Variants in AAAS observed in about 807,000 individuals in gnomAD.
The protein encoded by AAAS is aladin.
A neutral mutation model predicts 75.6 loss-of-function variants in AAAS; 60 were observed. The observed-to-expected ratio is 0.79, with a 90% CI of 0.64 to 0.98. The LOEUF is 0.98. Among genes scored for constraint, AAAS ranks in the 50% least tolerant of loss-of-function variants. The probability of loss-of-function intolerance (pLI) is 0.00; values close to 1 mark genes in which losing one functional copy is unlikely to be tolerated. For synonymous variants in AAAS, 271 were observed against 265.0 expected, an observed-to-expected ratio of 1.02 and a Z score of -0.22; for missense variants, 658 against 686.9, an observed-to-expected ratio of 0.96 and a Z score of 0.47.
At chr12:53,320,941 C>A (rs1944544234) in intron 1 of AAAS, 1 of 559,410 alleles carries the variant, frequency 1.8e-6, no homozygotes, top group Non-Finnish European at 3.2e-6. Flanking sequence ...ACACCTGACT[C>A]AGCCTCTTTC....
At position 53,315,336 on chromosome 12, in the gene AAAS, G is replaced by C. The variant is rs1433905790; in HGVS notation, c.398C>G (p.Ser133Cys). Residue 133 changes from serine (S) to cysteine (C), a missense_variant and splice_region_variant, in exon 4 of 16, where the codon TCT (serine) becomes TGT (cysteine). By Grantham distance (112) the Ser-to-Cys change is moderately radical (BLOSUM62 -1). Transcript: ENST00000209873. ...SLHGSLFPHLSLRSEDLIAEF... is the reference protein window; with the variant it reads ...SLHGSLFPHLCLRSEDLIAEF... The stretch of plus-strand genomic sequence containing the variant: ...GGCTGGGGAGGAAGCCAAACTTACA[G>C]ACAGATGGGGGAACAGGGACCCATG... 6.2e-7 allele frequency: 1 copy of C among 1,614,040 alleles called. No individual in the cohort carries two copies. Among genetic ancestry groups the C allele is most frequent in the South Asian group, 1.1e-5 (1 of 91,074 alleles).
intron 2 of AAAS, 141 bp from the exon 3 acceptor site, chr12:53,315,923 G>A (rs576722016): frequency 1.1e-5 from 10 of 918,734 alleles, no homozygotes; most frequent in Admixed American, 8.3e-5. Flanking sequence ...GGCACTCTAC[G>A]GGCTGTCCTT....
chr12:53,307,669 G>A lies in AAAS; in HGVS notation c.1461C>T (p.Val487=). The stretch of plus-strand genomic sequence containing the variant: ...GGCTAAAACGTGGAAACTGGGCATT[G>A]ACAAAGTACAGCGGGATGTGGGCAA... ...GRIAHIPLYF[V]NAQFPRFSPV... Residue 487 remains valine, a synonymous_variant, in exon 16 of 16, where the codon GTC becomes GTT. Transcript: ENST00000209873. 6.2e-7 allele frequency: 1 copy of A among 1,614,210 alleles called. No homozygotes were observed. Among genetic ancestry groups the A allele is most frequent in the Non-Finnish European group, 8.5e-7 (1 of 1,180,048 alleles).
rs188763032 is a variant in AAAS at position 53,316,387 on chromosome 12, G to A, written c.252-605C>T. Among the ~76,000 whole-genome samples, 1,043 of 151,654 alleles carry A rather than the reference G, an allele frequency of 6.9e-3. 8 individuals are homozygous for A. Among genetic ancestry groups the A allele is most frequent in the Non-Finnish European group, 0.011 (716 of 67,890 alleles). On this transcript the variant is annotated intron_variant, in intron 2 of 15. Transcript: ENST00000209873. ...GGAGAATCACTTGAACCCAGGAAGC[G>A]GAGGCTGCAGTAAGCCGAGATTGTG...
intron 7 of AAAS, among the ~76,000 whole-genome samples, chr12:53,312,785 G>GTGTA (rs1944408424): frequency 7.0e-6 from 1 of 142,644 alleles, no homozygotes; most frequent in African/African-American, 2.6e-5. Context: ...ATACATACAC[G>GTGTA]TATATATATA....
intron 14 of AAAS, 23 bp downstream of exon 14, chr12:53,308,029 C>T (rs996062656): frequency 6.8e-6 from 11 of 1,613,878 alleles, no homozygotes; most frequent in Non-Finnish European, 6.8e-6. Context: ...AAGTCCAGAC[C>T]TAAGGGCCCA....
In AAAS at chr12:53,320,552, T is replaced by C. The variant is rs753547948; in HGVS notation, c.251+13A>G. ...GCAGACTGTGACCCAGGAAACCCTT[T>C]GCCATGCCTCACCAAATGTTGATGC... On this transcript the variant is annotated intron_variant, in intron 2 of 15. Transcript: ENST00000209873. The C allele has an allele frequency of 3.0e-5, 49 of 1,613,540 alleles. No individual in the cohort carries two copies. The highest frequency in any genetic ancestry group is 4.2e-5 in the Non-Finnish European group (49 of 1,179,914).
intron 2 of AAAS, among the ~76,000 whole-genome samples, chr12:53,317,103 A>G (rs1292922675): frequency 6.6e-6 from 1 of 151,614 alleles, no homozygotes; most frequent in Non-Finnish European, 1.5e-5. Flanking sequence ...AAATAATAAT[A>G]ATAATAGAGA....
chr12:53,308,284 T>C lies in AAAS; in HGVS notation c.1247A>G (p.Lys416Arg), dbSNP rs746188112. The change falls in exon 13 of 16, where the codon AAA becomes AGA. Residue 416 changes from lysine to arginine, a missense_variant and splice_region_variant. Lys to Arg is a conservative substitution (Grantham distance 26, BLOSUM62 2). Coordinates refer to ENST00000209873, the MANE Select transcript of AAAS (RefSeq NM_015665.6). ...PSGERLAVLM[K>R]GKPRVQDGKP... is the part of the protein sequence containing the mutation. The stretch of plus-strand genomic sequence containing the variant: ...AGCCCTTCATCCTTGCCTCTCACCT[T>C]TCATAAGCACAGCCAGACGTTCCCC... 2 of 1,614,206 alleles carry C rather than the reference T, an allele frequency of 1.2e-6. No individual in the cohort carries two copies. The highest frequency in any genetic ancestry group is 3.3e-5 in the Admixed American group (2 of 60,028).
At chr12:53,318,251 T>TGCGCGTGC (rs1555191468) in intron 2 of AAAS, among the ~76,000 whole-genome samples, 20 of 137,214 alleles carry the variant, frequency 1.5e-4, no homozygotes, top group African/African-American at 5.5e-4. Context: ...TGTGCGTGTG[T>TGCGCGTGC]GTGTGTGTGT....
At chr12:53,311,342 C>T (rs539887420) in intron 7 of AAAS, among the ~76,000 whole-genome samples, 42 of 152,320 alleles carry the variant, frequency 2.8e-4, no homozygotes, top group Middle Eastern at 3.4e-3. Flanking sequence ...CTCACTGAAA[C>T]GTCCACCTCC....
intron 6 of AAAS, 147 bp downstream of exon 6, chr12:53,314,604 C>G: frequency 7.6e-7 from 1 of 1,315,940 alleles, no homozygotes; most frequent in Non-Finnish European, 1.1e-6. Flanking sequence ...AGAAGAAGCA[C>G]GCATCCAGTT....
intron 2 of AAAS, among the ~76,000 whole-genome samples, chr12:53,319,124 C>T (rs1475895791): frequency 6.6e-6 from 1 of 152,104 alleles, no homozygotes; most frequent in African/African-American, 2.4e-5. Flanking sequence ...GATGAACATA[C>T]CCTCTGAGCC....
intron 7 of AAAS, among the ~76,000 whole-genome samples, chr12:53,311,576 C>A (rs1285004772): frequency 1.3e-5 from 2 of 152,158 alleles, no homozygotes; most frequent in Non-Finnish European, 2.9e-5. Flanking sequence ...TGAATAGCCA[C>A]TGTATTCCAG....
chr12:53,313,843 A>C (rs1944427194), intron 7 of AAAS, among the ~76,000 whole-genome samples: 1 of 152,146 alleles, frequency 6.6e-6, no homozygotes, highest in Admixed American at 6.5e-5. Flanking sequence ...TCCTGACCTC[A>C]GGTGATCCAA....
intron 7 of AAAS, 151 bp from the exon 8 acceptor site, chr12:53,309,872 G>T: frequency 1.6e-5 from 19 of 1,190,950 alleles, no homozygotes; most frequent in East Asian, 2.9e-5. Flanking sequence ...GATTGTGAAA[G>T]TTAAAAGAAA....
At chr12:53,309,882 A>T in intron 7 of AAAS, 161 bp from the exon 8 acceptor site, 1 of 1,177,948 alleles carries the variant, frequency 8.5e-7, no homozygotes, top group Non-Finnish European at 1.2e-6. Context: ...GTTAAAAGAA[A>T]AAAACAGCGA....
intron 7 of AAAS, among the ~76,000 whole-genome samples, chr12:53,311,921 CA>C (rs1339044569): frequency 2.0e-5 from 3 of 151,242 alleles, no homozygotes; most frequent in Admixed American, 2.0e-4. Context: ...CATCCCCCCC[CA>C]AAAAAAATCT....
At chr12:53,309,841 A>G (rs1444732723) in intron 7 of AAAS, 120 bp from the exon 8 acceptor site, 2 of 1,409,938 alleles carry the variant, frequency 1.4e-6, no homozygotes, top group African/African-American at 2.9e-5. Flanking sequence ...GCTCAAATCC[A>G]GGTTGTGAAA....
Sources: gnomAD v4.1 joint callset for allele counts (sites outside exome capture counted in the v4.1 genomes callset) on GRCh38, gnomAD v4.1.1 for gene constraint, MANE v1.5 for transcripts, NCBI Gene and HGNC (gene_info 2026-07-23, HGNC 2026-07-21) for gene names.